Variants in RASSF6 observed in about 807,000 individuals in gnomAD.
RASSF6 encodes ras association domain-containing protein 6.
Under a neutral mutation model 44.0 loss-of-function variants are expected in RASSF6, and 52 were observed. The ratio of observed to expected loss-of-function variants is 1.18; its 90% CI spans 0.95 to 1.49. RASSF6 has a LOEUF of 1.49. Among genes scored for constraint, RASSF6 ranks in the 40% most tolerant of loss-of-function variants. RASSF6 has a pLI of 0.00. For missense variants in RASSF6, 464 were observed against 393.3 expected, an observed-to-expected ratio of 1.18 and a Z score of -1.52; for synonymous variants, 162 against 124.6, an observed-to-expected ratio of 1.30 and a Z score of -2.00.
At chr4:73,598,613 C>T (rs371087445) in intron 3 of RASSF6, 27 bp downstream of exon 3, 67 of 1,245,084 alleles carry the variant, frequency 5.4e-5, no homozygotes, top group Admixed American at 6.1e-5. Flanking sequence ...TGAATAACAC[C>T]GGATTGCCTT....
chr4:73,614,549 TAGC>T (rs1726223074), intron 1 of RASSF6, among the ~76,000 whole-genome samples: 1 of 152,244 alleles, frequency 6.6e-6, no homozygotes, highest in Admixed American at 6.5e-5. Flanking sequence ...GAACCACTGA[TAGC>T]AGCTTCTTAT....
chr4:73,579,204 G>A (rs902823570), intron 8 of RASSF6, among the ~76,000 whole-genome samples: 1 of 152,098 alleles, frequency 6.6e-6, no homozygotes, highest in South Asian at 2.1e-4. Context: ...CATTTCCCTA[G>A]GATGAGTAAC....
rs1420747722 is a variant in RASSF6, at chr4:73,575,264, T to C, written c.*971A>G. ...TTTAATACAGAATTTATAAATAAAA[T>C]CATAGTTTATACTTATAGCATTTCT... On this transcript the variant is annotated 3_prime_UTR_variant, in exon 11 of 11. Transcript: ENST00000307439. The C allele has an allele frequency of 2.0e-5, 3 of 152,184 alleles. No individual in the cohort carries two copies. Among genetic ancestry groups the C allele is most frequent in the Non-Finnish European group, 2.9e-5 (2 of 68,022 alleles). The allele number at this position is 152,184 out of a possible 1,614,324, so 9.4% of individuals were successfully genotyped here.
rs1215342079 is a variant in RASSF6 at position 73,574,210 on chromosome 4, T to TGA, written c.*2024_*2025insTC. 2 of 152,482 alleles carry TGA rather than the reference T, an allele frequency of 1.3e-5. No homozygotes were observed. The highest frequency in any genetic ancestry group is 4.8e-5 in the African/African-American group (2 of 41,458). 9.4% of individuals were successfully genotyped at this position (152,482 alleles called of 1,614,324 possible). On this transcript the variant is annotated 3_prime_UTR_variant, in exon 11 of 11. Transcript: ENST00000307439. ...TGGGCTGGCCAACTACTGAGCCACT[T>TGA]GCCTGAGCTTTGTCTTGTGCAGTCT...
intron 2 of RASSF6, among the ~76,000 whole-genome samples, chr4:73,602,692 T>C (rs1300312563): frequency 6.6e-6 from 1 of 152,210 alleles, no homozygotes; most frequent in Non-Finnish European, 1.5e-5. Flanking sequence ...CATAAACTGT[T>C]TGATGGCCCT....
At chr4:73,589,506 C>A (rs2149376164) in intron 4 of RASSF6, among the ~76,000 whole-genome samples, 1 of 151,854 alleles carries the variant, frequency 6.6e-6, no homozygotes, top group East Asian at 1.9e-4. Flanking sequence ...TCTCGGTGAC[C>A]CTCGCAGACG....
chr4:73,609,287 G>A (rs556057615), intron 2 of RASSF6, among the ~76,000 whole-genome samples: 2 of 152,238 alleles, frequency 1.3e-5, no homozygotes, highest in Admixed American at 1.3e-4. Context: ...TACTTTGAAA[G>A]TAACCATAAA....
chr4:73,607,577 G>C (rs1466416094), intron 2 of RASSF6, among the ~76,000 whole-genome samples: 4 of 152,142 alleles, frequency 2.6e-5, no homozygotes, highest in Admixed American at 1.3e-4. Flanking sequence ...ATGTCAGTTT[G>C]TTTCAGGCCT....
chr4:73,601,415 G>A (rs145824960), intron 2 of RASSF6, among the ~76,000 whole-genome samples: 33 of 152,334 alleles, frequency 2.2e-4, no homozygotes, highest in African/African-American at 7.0e-4. Context: ...GCTCTTCGCA[G>A]AGAAAGTCTT....
chr4:73,581,035 TC>T (rs2149365509), intron 8 of RASSF6, among the ~76,000 whole-genome samples: 1 of 152,110 alleles, frequency 6.6e-6, no homozygotes, highest in African/African-American at 2.4e-5. Flanking sequence ...TAATTATAGA[TC>T]TTTAAGCTTT....
intron 1 of RASSF6, among the ~76,000 whole-genome samples, chr4:73,614,343 A>G (rs1418674592): frequency 6.6e-6 from 1 of 152,214 alleles, no homozygotes; most frequent in Non-Finnish European, 1.5e-5. Context: ...CCAATGCAAT[A>G]GTATTAACAG....
At chr4:73,612,534 C>T (rs1726094499) in intron 1 of RASSF6, among the ~76,000 whole-genome samples, 1 of 145,536 alleles carries the variant, frequency 6.9e-6, no homozygotes, top group Non-Finnish European at 1.5e-5. Context: ...TGGATTTCCT[C>T]CTTTTCCTTT....
At position 73,572,751 on chromosome 4, in the gene RASSF6, A is replaced by C. The variant is rs1722981827; in HGVS notation, c.*3484T>G. ...TGTGCTTGTTACTTTTTTGTTCATA[A>C]GTTTTAAATAATAACTTTACTATTT... On this transcript the variant is annotated 3_prime_UTR_variant, in exon 11 of 11. Transcript: ENST00000307439. 6.6e-6 allele frequency: 1 copy of C among 152,182 alleles called. No individual in the cohort carries two copies. The allele number at this position is 152,182 out of a possible 1,614,324, so 9.4% of individuals were successfully genotyped here.
At chr4:73,585,077 T>G in intron 6 of RASSF6, 103 bp downstream of exon 6, 1 of 759,514 alleles carries the variant, frequency 1.3e-6, no homozygotes, top group Non-Finnish European at 2.1e-6. Context: ...GACATGCTAC[T>G]GTTATTATTA....
At chr4:73,606,184 A>T (rs1725612332) in intron 2 of RASSF6, among the ~76,000 whole-genome samples, 1 of 152,246 alleles carries the variant, frequency 6.6e-6, no homozygotes. Flanking sequence ...TCTGTGCTGG[A>T]TTGGATAAAA....
Position 73,575,586 on chromosome 4 carries a change from G to C in RASSF6, c.*649C>G, listed in dbSNP as rs556819943. 7 of 152,184 alleles carry C rather than the reference G, an allele frequency of 4.6e-5. 1 individual carries two copies. In the East Asian group the frequency reaches 1.3e-3, roughly 29 times the overall value. 9.4% of individuals were successfully genotyped at this position (152,184 alleles called of 1,614,324 possible). Reference sequence around the variant, plus strand: ...TAAGAAAAGCTTTGAACTGATGAAAGGTCTTTCATCAGCAGAAGAGAGAGA... The same window carrying C: ...TAAGAAAAGCTTTGAACTGATGAAACGTCTTTCATCAGCAGAAGAGAGAGA... On this transcript the variant is annotated 3_prime_UTR_variant, in exon 11 of 11. Coordinates refer to ENST00000307439, the MANE Select transcript of RASSF6 (RefSeq NM_177532.5).
Position 73,610,948 on chromosome 4 carries a change from C to T in RASSF6, c.65+783G>A, listed in dbSNP as rs115555346. ...GGATCCTTTATCCTTTGCATCAGGT[C>T]TTTTTCCCACTGCTTATAGTTCATC... is the stretch of plus-strand genomic sequence containing the variant. On this transcript the variant is annotated intron_variant, in intron 2 of 10. Transcript: ENST00000307439. Among the ~76,000 whole-genome samples, 546 of 152,248 alleles carry T rather than the reference C, an allele frequency of 3.6e-3. 3 individuals carry two copies. Among genetic ancestry groups the T allele is most frequent in the African/African-American group, 0.013 (523 of 41,554 alleles).
intron 3 of RASSF6, among the ~76,000 whole-genome samples, chr4:73,597,146 T>C (rs1304275454): frequency 6.6e-6 from 1 of 152,150 alleles, no homozygotes; most frequent in Non-Finnish European, 1.5e-5. Flanking sequence ...CTAAAGAGCT[T>C]CTGTACAGCA....
At position 73,581,722 on chromosome 4, in the gene RASSF6, C is replaced by T. The variant is rs114221418; in HGVS notation, c.721+95G>A. On this transcript the variant is annotated intron_variant, in intron 8 of 10. Coordinates refer to ENST00000307439, the MANE Select transcript of RASSF6 (RefSeq NM_177532.5). ...TCTCCTACCCATTCCTCCCCTTTCTCCACAGAATGAGGCAAACTGTTCTTC... is the reference window on the plus strand; with the variant it reads ...TCTCCTACCCATTCCTCCCCTTTCTTCACAGAATGAGGCAAACTGTTCTTC... 583 of 751,824 alleles carry T rather than the reference C, an allele frequency of 7.8e-4. 2 individuals are homozygous for T. The African/African-American group carries it at 9.6e-3, about 12-fold the overall frequency. The allele number at this position is 751,824 out of a possible 1,614,324, so 46.6% of individuals were successfully genotyped here.
Sources: allele counts gnomAD v4.1 joint callset (sites outside exome capture counted in the v4.1 genomes callset), GRCh38; gene constraint gnomAD v4.1.1; transcripts MANE v1.5; gene names NCBI Gene and HGNC (gene_info 2026-07-23, HGNC 2026-07-21).